Variants in GFRA1 observed in about 807,000 individuals in gnomAD.
The protein encoded by GFRA1 is GDNF family receptor alpha-1.
A neutral mutation model predicts 51.6 loss-of-function variants in GFRA1; 16 were observed. The ratio of observed to expected loss-of-function variants is 0.31; its 90% CI spans 0.21 to 0.47. The LOEUF (loss-of-function observed/expected upper bound fraction) is 0.47. Ranked by LOEUF, GFRA1 falls within the 20% of genes least tolerant of loss-of-function variation. The pLI is 1.00. For missense variants in GFRA1, 530 were observed against 594.3 expected (o/e 0.89, Z 1.13); for synonymous variants, 270 against 241.3 (o/e 1.12, Z -1.10).
At chr10:116,187,557 T>G (rs1013379473) in intron 5 of GFRA1, among the ~76,000 whole-genome samples, 1 of 152,104 alleles carries the variant, frequency 6.6e-6, no homozygotes, top group Non-Finnish European at 1.5e-5. Context: ...GCACCGATAA[T>G]CCAATGAAGG....
At chr10:116,085,981 G>T (rs1255761286) in intron 9 of GFRA1, among the ~76,000 whole-genome samples, 1 of 152,178 alleles carries the variant, frequency 6.6e-6, no homozygotes, top group African/African-American at 2.4e-5. Flanking sequence ...TTCATCCAGA[G>T]AAAGAATCCC....
intron 9 of GFRA1, among the ~76,000 whole-genome samples, chr10:116,087,590 T>G (rs988927815): frequency 6.6e-6 from 1 of 152,200 alleles, no homozygotes; most frequent in Non-Finnish European, 1.5e-5. Flanking sequence ...GAAAAGAAGC[T>G]GGTTTTGCTG....
chr10:116,257,003 C>T (rs1247570156), intron 4 of GFRA1, among the ~76,000 whole-genome samples: 2 of 139,086 alleles, frequency 1.4e-5, no homozygotes, highest in Non-Finnish European at 1.6e-5. Context: ...GGACAAAAGG[C>T]AGTGCTGGGG....
intron 5 of GFRA1, among the ~76,000 whole-genome samples, chr10:116,135,871 T>C (rs1958302784): frequency 6.6e-6 from 1 of 152,188 alleles, no homozygotes; most frequent in South Asian, 2.1e-4. Context: ...AATAATCTAA[T>C]TATGTGTTCA....
At position 116,064,076 on chromosome 10, in the gene GFRA1, GATGATCATCATCATGATCATC is replaced by G; in HGVS notation, c.*301_*321del. 2 of 118,044 alleles carry G rather than the reference GATGATCATCATCATGATCATC, an allele frequency of 1.7e-5. No individual in the cohort carries two copies. Among genetic ancestry groups the G allele is most frequent in the Admixed American group, 1.3e-4 (1 of 7,514 alleles). 7.3% of individuals were successfully genotyped at this position (118,044 alleles called of 1,614,324 possible). On this transcript the variant is annotated 3_prime_UTR_variant, in exon 11 of 11. Transcript: ENST00000355422. Reference sequence around the variant, plus strand: ...TCATGATGATCATCATCATGATCATGATGATCATCATCATGATCATCATCATCATCGAAAACACAGCCCCAG... The same window carrying G: ...TCATGATGATCATCATCATGATCATGATCATCATCGAAAACACAGCCCCAG...
At position 116,065,745 on chromosome 10, in the gene GFRA1, G is replaced by A. The variant is rs1955075641; in HGVS notation, c.1198-119C>T. The stretch of plus-strand genomic sequence containing the variant: ...ATAAATATGTGAGACACAGCTGTGA[G>A]CTCCATATATAATTGAACATTTTCT... On this transcript the variant is annotated intron_variant, in intron 9 of 10. Transcript: ENST00000355422. The A allele has an allele frequency of 5.4e-6, 4 of 747,052 alleles. No individual in the cohort carries two copies. In the African/African-American group the frequency reaches 6.9e-5, roughly 13 times the overall value. The allele number at this position is 747,052 out of a possible 1,614,324, so 46.3% of individuals were successfully genotyped here. A position where few individuals can be genotyped will look rare whatever the true frequency, so the allele number is the denominator to read the frequency against.
Position 116,102,575 on chromosome 10 carries a change from G to A in GFRA1, c.771-5811C>T, listed in dbSNP as rs181996326. On this transcript the variant is annotated intron_variant, in intron 6 of 10. Coordinates refer to ENST00000355422, the MANE Select transcript of GFRA1 (RefSeq NM_005264.8). Reference sequence around the variant, plus strand: ...ATGCATTCACAGTTCCACATGGTGCGGAGGTCTCACAATCATGGCAGAAGG... The same window carrying A: ...ATGCATTCACAGTTCCACATGGTGCAGAGGTCTCACAATCATGGCAGAAGG... Among the ~76,000 whole-genome samples the A allele has an allele frequency of 2.5e-3, 384 of 152,286 alleles. 1 individual carries two copies. The highest frequency in any genetic ancestry group is 8.3e-3 in the African/African-American group (344 of 41,554).
chr10:116,226,567 A>G (rs914851833), intron 4 of GFRA1, among the ~76,000 whole-genome samples: 1 of 151,792 alleles, frequency 6.6e-6, no homozygotes, highest in East Asian at 2.0e-4. Context: ...AGCAGTCCCC[A>G]ACCTTTTTGG....
At chr10:116,150,132 A>G (rs143368878) in intron 5 of GFRA1, among the ~76,000 whole-genome samples, 220 of 152,306 alleles carry the variant, frequency 1.4e-3, no homozygotes, top group African/African-American at 5.0e-3. Context: ...GTTTGAATTC[A>G]GGCAGATGAA....
Position 116,058,401 on chromosome 10 carries a change from C to G in GFRA1, c.*5997G>C, listed in dbSNP as rs992998830. 6.6e-6 allele frequency: 1 copy of G among 152,324 alleles called. No individual in the cohort carries two copies. Among genetic ancestry groups the G allele is most frequent in the South Asian group, 2.1e-4 (1 of 4,834 alleles). The allele number at this position is 152,324 out of a possible 1,614,324, so 9.4% of individuals were successfully genotyped here. On this transcript the variant is annotated 3_prime_UTR_variant, in exon 11 of 11. Coordinates refer to ENST00000355422, the MANE Select transcript of GFRA1 (RefSeq NM_005264.8). ...GCCGGTACCTGACAGCTGTGACTTC[C>G]CCGCCGCTGTGCCTACCTGGCCAAG...
intron 6 of GFRA1, among the ~76,000 whole-genome samples, chr10:116,115,711 C>G (rs559907519): frequency 1.3e-5 from 2 of 152,146 alleles, no homozygotes; most frequent in South Asian, 4.1e-4. Context: ...TCTTTGAAAA[C>G]AGCTGTAGGA....
rs144880103 is a variant in GFRA1 at position 116,197,840 on chromosome 10, G to A, written c.433+13791C>T. On this transcript the variant is annotated intron_variant, in intron 5 of 10. Transcript: ENST00000355422. ...TAATGAAGAGTGGCCAGCTACAGGC[G>A]GATTATTCCGGAGTGCTGAGGCATG... 6.4e-3 allele frequency among the ~76,000 whole-genome samples: 977 copies of A among 152,258 alleles called. 5 individuals carry two copies. The highest frequency in any genetic ancestry group is 0.011 in the Non-Finnish European group (721 of 68,006).
chr10:116,138,641 C>A (rs1387444107), intron 5 of GFRA1, among the ~76,000 whole-genome samples: 1 of 139,866 alleles, frequency 7.1e-6, no homozygotes, highest in South Asian at 2.7e-4. Context: ...AGGAACCCCC[C>A]CCCGACCCAC....
chr10:116,174,106 G>A (rs948825034), intron 5 of GFRA1, among the ~76,000 whole-genome samples: 2 of 150,486 alleles, frequency 1.3e-5, no homozygotes, highest in African/African-American at 4.9e-5. Flanking sequence ...CAGTGGCTAG[G>A]TCTGCCAACC....
At chr10:116,220,445 G>A (rs1042546012) in intron 4 of GFRA1, among the ~76,000 whole-genome samples, 1 of 152,218 alleles carries the variant, frequency 6.6e-6, no homozygotes, top group African/African-American at 2.4e-5. Context: ...CAAACTGGAT[G>A]TTTACAAATG....
chr10:116,189,001 T>G (rs910523671), intron 5 of GFRA1, among the ~76,000 whole-genome samples: 1 of 148,478 alleles, frequency 6.7e-6, no homozygotes, highest in African/African-American at 2.5e-5. Flanking sequence ...ATGCCTCTAA[T>G]CCCAGCACTT....
At chr10:116,236,194 C>G (rs1265859830) in intron 4 of GFRA1, among the ~76,000 whole-genome samples, 1 of 152,134 alleles carries the variant, frequency 6.6e-6, no homozygotes, top group Non-Finnish European at 1.5e-5. Flanking sequence ...AGGATAACAA[C>G]CCCAGCCCAT....
chr10:116,130,824 G>A lies in GFRA1; in HGVS notation c.434-5267C>T, dbSNP rs1467630909. ...TAAACATAAAAGCTAAAATCATAAA[G>A]CTTTTAGAAGAAACATAAGATAATC... On this transcript the variant is annotated intron_variant, in intron 5 of 10. Coordinates refer to ENST00000355422, the MANE Select transcript of GFRA1 (RefSeq NM_005264.8). Among the ~76,000 whole-genome samples, 11 of 151,980 alleles carry A rather than the reference G, an allele frequency of 7.2e-5. No individual in the cohort carries two copies. In the East Asian group the frequency reaches 2.1e-3, roughly 29 times the overall value.
intron 5 of GFRA1, among the ~76,000 whole-genome samples, chr10:116,158,471 C>G (rs1052032180): frequency 2.0e-5 from 3 of 152,198 alleles, no homozygotes; most frequent in African/African-American, 7.2e-5. Context: ...CATGAGAAAA[C>G]TCTGCAGGCC....
Sources: allele counts gnomAD v4.1 joint callset (sites outside exome capture counted in the v4.1 genomes callset), GRCh38; gene constraint gnomAD v4.1.1; transcripts MANE v1.5; gene names NCBI Gene and HGNC (gene_info 2026-07-23, HGNC 2026-07-21).